KCNQ1: variants seen among roughly 807,000 people sequenced by gnomAD.
The protein encoded by KCNQ1 is potassium voltage-gated channel subfamily Q member 1.
In KCNQ1, 49 loss-of-function variants were observed where a neutral mutation model predicts 72.4. The observed-to-expected ratio is 0.68, with a 90% confidence interval of 0.54 to 0.86. KCNQ1 has a LOEUF of 0.86. Among genes scored for constraint, KCNQ1 ranks in the 40% least tolerant of loss-of-function variants. The pLI, the probability that KCNQ1 is intolerant of heterozygous loss-of-function variation, is 0.00. For missense variants in KCNQ1, 790 were observed against 945.1 expected (o/e 0.84, Z 2.15); for synonymous variants, 450 against 412.6 (o/e 1.09, Z -1.10).
At position 2,767,444 on chromosome 11, in the gene KCNQ1, A is replaced by C. The variant is rs183270945; in HGVS notation, c.1515-1400A>C. Among the ~76,000 whole-genome samples the C allele has an allele frequency of 1.1e-3, 174 of 152,356 alleles. No individual in the cohort carries two copies. Among genetic ancestry groups the C allele is most frequent in the African/African-American group, 4.1e-3 (170 of 41,582 alleles). Reference sequence around the variant, plus strand: ...ACAGACTCCATCTCTTAATGGAAGGAGCTGCAAGTATTTAAGGCTGTTGGA... The same window carrying C: ...ACAGACTCCATCTCTTAATGGAAGGCGCTGCAAGTATTTAAGGCTGTTGGA... On this transcript the variant is annotated intron_variant, in intron 11 of 15. Transcript: ENST00000155840. This position sits in a 1 kb window ranked among gnomAD's most constrained non-coding sequence, Gnocchi z 4.6.
At chr11:2,662,283 C>T (rs975783304) in intron 11 of KCNQ1, 1 of 619,816 alleles carries the variant, frequency 1.6e-6, no homozygotes, top group African/African-American at 1.8e-5. Context: ...AGCCTGGGAA[C>T]ATGATCCTCT....
rs1295400113 is a variant in KCNQ1, at chr11:2,468,514, C to T, written c.386+23030C>T. ...GTTTAAAGCAGACAGTTCCATGAGTCCTGACATTTGGAGGCCCTGTGAAGC... is the reference window on the plus strand; with the variant it reads ...GTTTAAAGCAGACAGTTCCATGAGTTCTGACATTTGGAGGCCCTGTGAAGC... On this transcript the variant is annotated intron_variant, in intron 1 of 15. Coordinates refer to ENST00000155840, the MANE Select transcript of KCNQ1 (RefSeq NM_000218.3). The surrounding 1 kb of genome is among the most constrained non-coding windows in gnomAD (Gnocchi z 5.7). Among the ~76,000 whole-genome samples the T allele has an allele frequency of 6.6e-6, 1 of 152,106 alleles. No individual in the cohort carries two copies. The highest frequency in any genetic ancestry group is 2.4e-5 in the African/African-American group (1 of 41,400).
rs1293359775 is a variant in KCNQ1 at position 2,599,854 on chromosome 11, G to T, written c.1393+11000G>T. On this transcript the variant is annotated intron_variant, in intron 10 of 15. Transcript: ENST00000155840. The surrounding 1 kb of genome is among the most constrained non-coding windows in gnomAD (Gnocchi z 4.7). ...ATTGTAGCTTCATCACCTCTTTAAA[G>T]GTCCTGTCTCCAAACATGCTGAGTC... is the stretch of plus-strand genomic sequence containing the variant. Among the ~76,000 whole-genome samples, 1 of 152,202 alleles carries T rather than the reference G, an allele frequency of 6.6e-6. No individual in the cohort carries two copies. The highest frequency in any genetic ancestry group is 1.5e-5 in the Non-Finnish European group (1 of 68,040).
chr11:2,771,825 AC>A (rs1298757027), intron 12 of KCNQ1, among the ~76,000 whole-genome samples: 2 of 152,208 alleles, frequency 1.3e-5, no homozygotes, highest in Admixed American at 1.3e-4. Context: ...GGGGAGGAAC[AC>A]AGTGAGCCCT....
In KCNQ1 at chr11:2,781,348, G is replaced by A. The variant is rs973968811; in HGVS notation, c.1794+3311G>A. ...ACAGACAGGGGTGGGAGATGAGGTA[G>A]AGAGAGCAAGGAGGGGTTTCATATC... On this transcript the variant is annotated intron_variant, in intron 15 of 15. Coordinates refer to ENST00000155840, the MANE Select transcript of KCNQ1 (RefSeq NM_000218.3). The surrounding 1 kb of genome is among the most constrained non-coding windows in gnomAD (Gnocchi z 6.6). Among the ~76,000 whole-genome samples, 1 of 152,198 alleles carries A rather than the reference G, an allele frequency of 6.6e-6. No homozygotes were observed. Among genetic ancestry groups the A allele is most frequent in the Admixed American group, 6.5e-5 (1 of 15,292 alleles).
In KCNQ1 at chr11:2,538,674, G is replaced by A. The variant is rs943107277; in HGVS notation, c.477+10656G>A. On this transcript the variant is annotated intron_variant, in intron 2 of 15. Coordinates refer to ENST00000155840, the MANE Select transcript of KCNQ1 (RefSeq NM_000218.3). This position sits in a 1 kb window ranked among gnomAD's most constrained non-coding sequence, Gnocchi z 6.7. The stretch of plus-strand genomic sequence containing the variant: ...CCGGAAACTTCCCTGAGTATACGGG[G>A]CCTTGTGTGTGGAGGGGCCCTACGG... Among the ~76,000 whole-genome samples the A allele has an allele frequency of 6.6e-6, 1 of 151,736 alleles. No homozygotes were observed. Among genetic ancestry groups the A allele is most frequent in the African/African-American group, 2.4e-5 (1 of 41,240 alleles).
At position 2,745,775 on chromosome 11, in the gene KCNQ1, C is replaced by T. The variant is rs558112521; in HGVS notation, c.1515-23069C>T. Among the ~76,000 whole-genome samples, 22 of 152,384 alleles carry T rather than the reference C, an allele frequency of 1.4e-4. No individual in the cohort carries two copies. The highest frequency in any genetic ancestry group is 6.8e-3 in the Middle Eastern group (2 of 294). On this transcript the variant is annotated intron_variant, in intron 11 of 15. Coordinates refer to ENST00000155840, the MANE Select transcript of KCNQ1 (RefSeq NM_000218.3). The surrounding 1 kb of genome is among the most constrained non-coding windows in gnomAD (Gnocchi z 6.2). ...TAAGCGTGCCTTGGAGAAGGCCGCT[C>T]AGCGAGGGCCGCCTTCAGGCCTGAG...
intron 15 of KCNQ1, among the ~76,000 whole-genome samples, chr11:2,793,511 C>T (rs1173466595): frequency 6.6e-6 from 1 of 152,210 alleles, no homozygotes; most frequent in Non-Finnish European, 1.5e-5. Context: ...GTGGTCCCGG[C>T]TGCTCAGCAG....
Position 2,544,303 on chromosome 11 carries a change from T to TATATATATGTGTATATATATAC in KCNQ1, c.477+16285_477+16286insATATATATGTGTATATATATAC, listed in dbSNP as rs1847871419. 9.5e-6 allele frequency among the ~76,000 whole-genome samples: 1 copy of TATATATATGTGTATATATATAC among 104,814 alleles called. No homozygotes were observed. Among genetic ancestry groups the TATATATATGTGTATATATATAC allele is most frequent in the African/African-American group, 4.1e-5 (1 of 24,364 alleles). 68.8% of individuals were successfully genotyped at this position (104,814 alleles called of 152,430 possible). ...ATGTGTATATATATATGTATATATGTGTATATATGTATATATCTATGTATA... is the reference window on the plus strand; with the variant it reads ...ATGTGTATATATATATGTATATATGTATATATATGTGTATATATATACGTATATATGTATATATCTATGTATA... On this transcript the variant is annotated intron_variant, in intron 2 of 15. Coordinates refer to ENST00000155840, the MANE Select transcript of KCNQ1 (RefSeq NM_000218.3). The surrounding 1 kb of genome is among the most constrained non-coding windows in gnomAD (Gnocchi z 4.4).
chr11:2,487,981 A>G (rs539129498), intron 1 of KCNQ1, among the ~76,000 whole-genome samples: 4 of 152,288 alleles, frequency 2.6e-5, no homozygotes, highest in Admixed American at 2.0e-4. Context: ...CAGTCTCATC[A>G]TTATGATGTT....
At chr11:2,838,720 C>A (rs958901996) in intron 15 of KCNQ1, among the ~76,000 whole-genome samples, 1 of 152,148 alleles carries the variant, frequency 6.6e-6, no homozygotes, top group Non-Finnish European at 1.5e-5. Flanking sequence ...GCAGCCCTGG[C>A]TTCCCCTGCC....
chr11:2,527,989 G>A lies in KCNQ1; in HGVS notation c.448G>A (p.Ala150Thr), dbSNP rs794728577. 1.4e-5 allele frequency: 22 copies of A among 1,613,840 alleles called. No homozygotes were observed. The highest frequency in any genetic ancestry group is 1.6e-4 in the Middle Eastern group (1 of 6,082). The change falls in exon 2 of 16, where the codon GCC becomes ACC. Residue 150 changes from alanine (A) to threonine (T), a missense_variant. Ala to Thr is a moderately conservative substitution (Grantham distance 58). This residue lies in a region of KCNQ1 where 294 missense variants were observed against 323.3 expected (regional missense o/e 0.91). Transcript: ENST00000155840. ...SVLSTIEQYA[A>T]LATGTLFWME... ...GCTGTCCACCATCGAGCAGTATGCC[G>A]CCCTGGCCACGGGGACTCTCTTCTG...
At chr11:2,688,918 C>T (rs1458805919) in intron 11 of KCNQ1, 4 of 398,942 alleles carry the variant, frequency 1.0e-5, no homozygotes, top group Non-Finnish European at 1.8e-5. Flanking sequence ...CCACCCCACA[C>T]AGGCCTGTCT....
chr11:2,702,862 G>A (rs1450228844), intron 11 of KCNQ1, among the ~76,000 whole-genome samples: 1 of 152,194 alleles, frequency 6.6e-6, no homozygotes, highest in Admixed American at 6.5e-5. Context: ...TGTGTCCTAT[G>A]TCCTCTGCTC....
intron 2 of KCNQ1, among the ~76,000 whole-genome samples, chr11:2,529,413 C>T (rs767047358): frequency 1.3e-5 from 2 of 151,116 alleles, no homozygotes; most frequent in African/African-American, 2.4e-5. Flanking sequence ...ACTCGAAGGC[C>T]GCGGGTGAAT....
At chr11:2,584,529 GTGTGTTAGTATGTGTT>G (rs1260538819) in intron 7 of KCNQ1, among the ~76,000 whole-genome samples, 1 of 150,028 alleles carries the variant, frequency 6.7e-6, no homozygotes, top group Non-Finnish European at 1.5e-5. Context: ...GTGTTAGTGT[GTGTGTTAGTATGTGTT>G]TGTGTTAGTG....
chr11:2,775,408 G>A (rs1314144145), intron 12 of KCNQ1, among the ~76,000 whole-genome samples: 1 of 152,248 alleles, frequency 6.6e-6, no homozygotes, highest in East Asian at 1.9e-4. Flanking sequence ...AGTGCTGCAG[G>A]CTAAGGCCGT....
chr11:2,662,509 T>G, intron 11 of KCNQ1: 1 of 431,038 alleles, frequency 2.3e-6, no homozygotes, highest in Non-Finnish European at 4.1e-6. Context: ...AGGGGCTCCT[T>G]CAGGTGGAGG....
Position 2,566,710 on chromosome 11 carries a change from A to T in KCNQ1, c.478-3918A>T, listed in dbSNP as rs1193717099. ...TCTTCTTCTCGTATCTACGGGGCAGAGCTCAGGGCCGCACTCCATCAGCAT... is the reference window on the plus strand; with the variant it reads ...TCTTCTTCTCGTATCTACGGGGCAGTGCTCAGGGCCGCACTCCATCAGCAT... On this transcript the variant is annotated intron_variant, in intron 2 of 15. Transcript: ENST00000155840. The surrounding 1 kb of genome is among the most constrained non-coding windows in gnomAD (Gnocchi z 6.7). 1.3e-5 allele frequency among the ~76,000 whole-genome samples: 2 copies of T among 151,968 alleles called. No homozygotes were observed. The highest frequency in any genetic ancestry group is 2.9e-5 in the Non-Finnish European group (2 of 67,960).
Sources: allele counts gnomAD v4.1 joint callset (sites outside exome capture counted in the v4.1 genomes callset), GRCh38; gene constraint gnomAD v4.1.1; regional missense constraint gnomAD v4.1.1; non-coding constraint Gnocchi (gnomAD v3.1); transcripts MANE v1.5; gene names NCBI Gene and HGNC (gene_info 2026-07-23, HGNC 2026-07-21).